SCLT1: variants seen among roughly 807,000 people sequenced by gnomAD.
SCLT1 encodes sodium channel and clathrin linker 1, also known as sodium channel-associated protein 1.
In SCLT1, 78 loss-of-function variants were observed where a neutral mutation model predicts 112.8. That is an observed-to-expected ratio of 0.69 (90% CI 0.58 to 0.83). The LOEUF (loss-of-function observed/expected upper bound fraction) is 0.83. Ranked by LOEUF, SCLT1 falls within the 40% of genes least tolerant of loss-of-function variation. The pLI is 0.00. For synonymous variants in SCLT1, 257 were observed against 254.7 expected, an observed-to-expected ratio of 1.01 and a Z score of -0.09; for missense variants, 747 against 770.4, an observed-to-expected ratio of 0.97 and a Z score of 0.36.
intron 18 of SCLT1, among the ~76,000 whole-genome samples, chr4:128,924,689 T>C (rs759806618): frequency 1.1e-4 from 16 of 152,176 alleles, no homozygotes; most frequent in African/African-American, 3.4e-4. Flanking sequence ...TTGTTTTCCT[T>C]TTTTATGCTT....
chr4:128,907,312 A>T (rs1375933218), intron 18 of SCLT1, among the ~76,000 whole-genome samples: 3 of 152,174 alleles, frequency 2.0e-5, no homozygotes, highest in African/African-American at 4.8e-5. Flanking sequence ...AAGGATATTA[A>T]TCCATAGTCA....
chr4:128,881,953 G>C (rs1732652383), downstream of SCLT1, among the ~76,000 whole-genome samples: 1 of 152,118 alleles, frequency 6.6e-6, no homozygotes, highest in African/African-American at 2.4e-5. Context: ...AAGTACGCAA[G>C]GAGATCCAAG....
chr4:128,934,868 C>A (rs1737059655), intron 18 of SCLT1, among the ~76,000 whole-genome samples: 1 of 151,790 alleles, frequency 6.6e-6, no homozygotes, highest in African/African-American at 2.4e-5. Context: ...TAATAGTGAA[C>A]TTCTTTGACA....
intron 15 of SCLT1, among the ~76,000 whole-genome samples, chr4:128,948,007 T>C (rs1738326778): frequency 6.6e-6 from 1 of 152,054 alleles, no homozygotes; most frequent in African/African-American, 2.4e-5. Context: ...AGTACAAAGT[T>C]CAAAGAATAC....
At position 128,897,393 on chromosome 4, in the gene SCLT1, T is replaced by C. The variant is rs548630495; in HGVS notation, c.1830-6256A>G. 6.9e-3 allele frequency among the ~76,000 whole-genome samples: 1,055 copies of C among 151,934 alleles called. 7 individuals are homozygous for C. The highest frequency in any genetic ancestry group is 0.01 in the Middle Eastern group (3 of 294). On this transcript the variant is annotated intron_variant, in intron 18 of 20. Transcript: ENST00000281142. ...TCAATATTCTTAAAGAAAAGAATTT[T>C]CAACCCAGAATTTCATATCCAGCCA...
At chr4:128,923,256 G>A (rs577657740) in intron 18 of SCLT1, among the ~76,000 whole-genome samples, 103 of 151,820 alleles carry the variant, frequency 6.8e-4, no homozygotes, top group African/African-American at 2.3e-3. Flanking sequence ...GACCAGCCTC[G>A]CCAATATGGT....
intron 17 of SCLT1, among the ~76,000 whole-genome samples, chr4:128,940,800 A>G (rs1233455629): frequency 6.6e-6 from 1 of 151,894 alleles, no homozygotes; most frequent in Non-Finnish European, 1.5e-5. Flanking sequence ...GATGTAACAT[A>G]TTTACTTCTA....
chr4:128,889,331 G>A (rs965689697), intron 19 of SCLT1, among the ~76,000 whole-genome samples: 1 of 152,106 alleles, frequency 6.6e-6, no homozygotes, highest in Non-Finnish European at 1.5e-5. Flanking sequence ...CCATATGACT[G>A]GTGTCTTCAT....
At chr4:129,023,446 A>G (rs981047711) in intron 5 of SCLT1, among the ~76,000 whole-genome samples, 1 of 152,230 alleles carries the variant, frequency 6.6e-6, no homozygotes, top group Non-Finnish European at 1.5e-5. Context: ...AAAGGGATGG[A>G]GGAATATTTA....
chr4:128,880,057 A>C (rs1344178395), downstream of SCLT1, among the ~76,000 whole-genome samples: 1 of 152,208 alleles, frequency 6.6e-6, no homozygotes, highest in East Asian at 1.9e-4. Context: ...TAAGAAGGCT[A>C]ACTTACTTTT....
intron 18 of SCLT1, among the ~76,000 whole-genome samples, chr4:128,915,231 C>T (rs1735387069): frequency 1.3e-5 from 2 of 152,192 alleles, no homozygotes; most frequent in Admixed American, 1.3e-4. Context: ...TGCCTGTGGA[C>T]ATACATGCCC....
chr4:129,029,404 A>G (rs1247003773), intron 5 of SCLT1, among the ~76,000 whole-genome samples: 1 of 152,034 alleles, frequency 6.6e-6, no homozygotes, highest in African/African-American at 2.4e-5. Flanking sequence ...GGAAACCATC[A>G]TTCTCAGCAA....
chr4:129,035,312 GC>G (rs1353728895), intron 5 of SCLT1, among the ~76,000 whole-genome samples: 1 of 152,002 alleles, frequency 6.6e-6, no homozygotes, highest in Non-Finnish European at 1.5e-5. Context: ...CTTTCTTTTT[GC>G]CCTCTCTCCT....
chr4:128,931,086 T>A (rs919201962), intron 18 of SCLT1, among the ~76,000 whole-genome samples: 1 of 150,758 alleles, frequency 6.6e-6, no homozygotes, highest in African/African-American at 2.4e-5. Flanking sequence ...GGCATAGGCA[T>A]CTAAAAGCCA....
At chr4:128,981,955 C>G (rs1257170495) in intron 9 of SCLT1, among the ~76,000 whole-genome samples, 3 of 151,972 alleles carry the variant, frequency 2.0e-5, no homozygotes, top group Non-Finnish European at 2.9e-5. Context: ...ACTTTGATAA[C>G]AGTATGAGAA....
rs763755726 is a variant in SCLT1 at position 129,040,582 on chromosome 4, C to T, written c.235-1486G>A. On this transcript the variant is annotated intron_variant, in intron 4 of 20. Coordinates refer to ENST00000281142, the MANE Select transcript of SCLT1 (RefSeq NM_144643.4). ...AGCTAAGACTAAAGATGGATTGTAA[C>T]GCTCTCACTATAAATTCCTTACTGT... Among the ~76,000 whole-genome samples the T allele has an allele frequency of 5.3e-5, 8 of 152,198 alleles. No individual in the cohort carries two copies. The East Asian group carries it at 5.8e-4, about 11-fold the overall frequency.
intron 1 of SCLT1, among the ~76,000 whole-genome samples, chr4:129,090,390 T>C (rs922237094): frequency 1.3e-5 from 2 of 152,202 alleles, no homozygotes; most frequent in African/African-American, 4.8e-5. Flanking sequence ...AGTTTTTCCA[T>C]TTGGGCATCC....
chr4:129,034,570 CTA>C (rs71589021), intron 5 of SCLT1, among the ~76,000 whole-genome samples: 48,928 of 143,492 alleles, frequency 0.34, 7,774 homozygotes, highest in South Asian at 0.42. Flanking sequence ...TGTTCTAAAG[CTA>C]TATATATATA....
At chr4:128,883,896 C>T (rs952428367), downstream of SCLT1, 2 of 152,192 alleles carry the variant, frequency 1.3e-5, no homozygotes, top group African/African-American at 4.8e-5. Context: ...GTAAAAGACA[C>T]CTTCCAAATT....
Sources: gnomAD v4.1 joint callset for allele counts (sites outside exome capture counted in the v4.1 genomes callset) on GRCh38, gnomAD v4.1.1 for gene constraint, MANE v1.5 for transcripts, NCBI Gene and HGNC (gene_info 2026-07-23, HGNC 2026-07-21) for gene names.